The following ANKS1B variants were observed in gnomAD, a reference collection of about 807,000 sequenced individuals.
ANKS1B encodes ankyrin repeat and sterile alpha motif domain containing 1B, also known as ankyrin repeat and sterile alpha motif domain-containing protein 1B.
Under a neutral mutation model 148.3 loss-of-function variants are expected in ANKS1B, and 36 were observed. The observed-to-expected ratio is 0.24, with a 90% CI of 0.19 to 0.32. The LOEUF (loss-of-function observed/expected upper bound fraction) is 0.32, where lower values mean the gene tolerates loss of function less well. Among genes scored for constraint, ANKS1B ranks in the 10% least tolerant of loss-of-function variants. The pLI, the probability that ANKS1B is intolerant of heterozygous loss-of-function variation, is 1.00. For synonymous variants in ANKS1B, 542 were observed against 560.8 expected (o/e 0.97, Z 0.47); for missense variants, 1,157 against 1,542.6 (o/e 0.75, Z 4.19).
intron 9 of ANKS1B, among the ~76,000 whole-genome samples, chr12:99,626,212 C>T (rs2098111779): frequency 6.6e-6 from 1 of 152,000 alleles, no homozygotes; most frequent in African/African-American, 2.4e-5. Context: ...AATACAAAAC[C>T]ATTTAAGAGC....
At chr12:98,928,226 A>T (rs1164726694) in intron 17 of ANKS1B, among the ~76,000 whole-genome samples, 1 of 151,742 alleles carries the variant, frequency 6.6e-6, no homozygotes, top group Non-Finnish European at 1.5e-5. Flanking sequence ...CAAACTGTTG[A>T]AACCAACTCA....
chr12:99,984,185 A>G lies in ANKS1B; in HGVS notation c.53T>C (p.Leu18Pro). The change falls in exon 1 of 27, where the codon CTG becomes CCG. Residue 18 changes from leucine (L) to proline (P), a missense_variant. This residue lies in a region of ANKS1B where 164 missense variants were observed against 232.6 expected (regional missense o/e 0.71). Transcript: ENST00000683438. ...LEAARTGNVA[L>P]VEKLLSGRKG... ...CCTGCCAGACAGGAGTTTCTCCACC[A>G]GAGCCACATTTCCAGTGCGAGCAGC... The G allele has an allele frequency of 6.2e-7, 1 of 1,613,878 alleles. No homozygotes were observed. Among genetic ancestry groups the G allele is most frequent in the Non-Finnish European group, 8.5e-7 (1 of 1,179,838 alleles).
chr12:99,204,051 TTGA>T (rs577313020), intron 14 of ANKS1B, among the ~76,000 whole-genome samples: 1 of 126,530 alleles, frequency 7.9e-6, no homozygotes, highest in Admixed American at 8.5e-5. Context: ...GGACGGTTGG[TTGA>T]ATACATAAAT....
At chr12:99,603,942 A>G (rs774750284) in intron 9 of ANKS1B, among the ~76,000 whole-genome samples, 2 of 152,108 alleles carry the variant, frequency 1.3e-5, no homozygotes, top group Non-Finnish European at 2.9e-5. Context: ...ATTCTTACCT[A>G]GTCCAATGAT....
intron 15 of ANKS1B, among the ~76,000 whole-genome samples, chr12:99,098,503 A>G (rs1306939476): frequency 6.6e-6 from 1 of 152,054 alleles, no homozygotes; most frequent in East Asian, 1.9e-4. Context: ...TTGTCCGTAC[A>G]ATGGGGATAA....
chr12:99,619,396 C>T (rs563923259), intron 9 of ANKS1B, among the ~76,000 whole-genome samples: 3 of 152,050 alleles, frequency 2.0e-5, no homozygotes, highest in African/African-American at 7.2e-5. Flanking sequence ...CACCGATTCA[C>T]ATGAAACAGC....
chr12:99,792,820 A>C (rs2065823612), intron 4 of ANKS1B, among the ~76,000 whole-genome samples: 1 of 152,080 alleles, frequency 6.6e-6, no homozygotes, highest in Non-Finnish European at 1.5e-5. Context: ...ACTGTTACTC[A>C]AAATAGAACT....
intron 9 of ANKS1B, chr12:99,648,089 G>T: frequency 6.6e-7 from 1 of 1,522,788 alleles, no homozygotes; most frequent in Non-Finnish European, 8.8e-7. Context: ...ACCTGCCAGA[G>T]TAGCCAAGGA....
chr12:99,215,901 T>C (rs1410294771), intron 14 of ANKS1B, among the ~76,000 whole-genome samples: 1 of 152,166 alleles, frequency 6.6e-6, no homozygotes, highest in Non-Finnish European at 1.5e-5. Context: ...AAAATGGTTA[T>C]GAAATGTGAG....
At chr12:99,482,792 T>C (rs1178673752) in intron 10 of ANKS1B, among the ~76,000 whole-genome samples, 4 of 151,976 alleles carry the variant, frequency 2.6e-5, no homozygotes, top group Non-Finnish European at 5.9e-5. Flanking sequence ...GATTGAGTTA[T>C]TGATTTGATT....
chr12:98,865,964 C>T (rs567166390), intron 17 of ANKS1B, among the ~76,000 whole-genome samples: 3 of 152,068 alleles, frequency 2.0e-5, no homozygotes, highest in Non-Finnish European at 2.9e-5. Context: ...TAATAGATGG[C>T]CGTCTTCTCA....
chr12:99,267,350 ACTCTCTCT>A (rs143547878), intron 12 of ANKS1B, among the ~76,000 whole-genome samples: 2 of 148,442 alleles, frequency 1.3e-5, no homozygotes, highest in African/African-American at 2.5e-5. Context: ...TTCTCTCCTG[ACTCTCTCT>A]CTCTCTCTCT....
At position 99,770,910 on chromosome 12, in the gene ANKS1B, G is replaced by A. The variant is rs999068398; in HGVS notation, c.1128+2012C>T. On this transcript the variant is annotated intron_variant, in intron 8 of 26. Transcript: ENST00000683438. ...TATTGTAAAGGTTTGTCACAGGAACGAAGAGTGGTGTTAGAAAAGCATGAG... is the reference window on the plus strand; with the variant it reads ...TATTGTAAAGGTTTGTCACAGGAACAAAGAGTGGTGTTAGAAAAGCATGAG... Among the ~76,000 whole-genome samples the A allele has an allele frequency of 9.2e-5, 14 of 152,174 alleles. 1 individual carries two copies. The East Asian group carries it at 1.5e-3, about 17-fold the overall frequency.
chr12:98,998,535 C>T (rs1470667999), intron 17 of ANKS1B, among the ~76,000 whole-genome samples: 1 of 151,976 alleles, frequency 6.6e-6, no homozygotes, highest in South Asian at 2.1e-4. Context: ...AGCTTGTGTC[C>T]TTATATGAGG....
intron 14 of ANKS1B, among the ~76,000 whole-genome samples, chr12:99,167,790 A>G (rs769353654): frequency 2.6e-5 from 4 of 152,210 alleles, no homozygotes; most frequent in Non-Finnish European, 5.9e-5. Flanking sequence ...ACAACTAGAA[A>G]CATCCTAAAA....
In ANKS1B at chr12:99,504,670, T is replaced by C. The variant is rs757170272; in HGVS notation, c.1273-29A>G. The C allele has an allele frequency of 2.7e-6, 4 of 1,478,522 alleles. No homozygotes were observed. The South Asian group carries it at 5.3e-5, about 20-fold the overall frequency. The allele number at this position is 1,478,522 out of a possible 1,614,324, so 91.6% of individuals were successfully genotyped here. A position where few individuals can be genotyped will look rare whatever the true frequency, so the allele number is the denominator to read the frequency against. On this transcript the variant is annotated intron_variant, in intron 9 of 26. Transcript: ENST00000683438. The stretch of plus-strand genomic sequence containing the variant: ...AAAAGAAGAAAAAATAAAAACAGCT[T>C]TGTGATGAAGAAACAGCCTTGTTTA...
chr12:98,941,965 G>A (rs1024168331), intron 17 of ANKS1B, among the ~76,000 whole-genome samples: 5 of 152,088 alleles, frequency 3.3e-5, no homozygotes, highest in Admixed American at 6.6e-5. Flanking sequence ...ATTTTGAGCC[G>A]GGCACAGTGG....
intron 11 of ANKS1B, among the ~76,000 whole-genome samples, chr12:99,402,322 ATATTTT>A (rs2094425833): frequency 6.9e-6 from 1 of 145,622 alleles, no homozygotes; most frequent in African/African-American, 2.6e-5. Flanking sequence ...TTCCTTTTTT[ATATTTT>A]TATTTTAAGT....
At chr12:98,916,070 T>C (rs924917984) in intron 17 of ANKS1B, among the ~76,000 whole-genome samples, 1 of 152,184 alleles carries the variant, frequency 6.6e-6, no homozygotes, top group Admixed American at 6.5e-5. Context: ...GCCAGACAAT[T>C]ATTGACGTAT....
Sources: allele counts gnomAD v4.1 joint callset (sites outside exome capture counted in the v4.1 genomes callset), GRCh38; gene constraint gnomAD v4.1.1; regional missense constraint gnomAD v4.1.1; transcripts MANE v1.5; gene names NCBI Gene and HGNC (gene_info 2026-07-23, HGNC 2026-07-21).